Variants in OPCML observed in about 807,000 individuals in gnomAD.
The protein encoded by OPCML is opioid binding protein/cell adhesion molecule like, also known as opioid-binding protein/cell adhesion molecule.
In OPCML, 13 loss-of-function variants were observed where a neutral mutation model predicts 37.8. The ratio of observed to expected loss-of-function variants is 0.34; its 90% CI spans 0.22 to 0.55. The LOEUF is 0.55. OPCML is among the 20% of genes least tolerant of loss of function. OPCML has a pLI of 0.91. For synonymous variants in OPCML, 176 were observed against 168.8 expected, an observed-to-expected ratio of 1.04 and a Z score of -0.33; for missense variants, 341 against 435.6, an observed-to-expected ratio of 0.78 and a Z score of 1.93.
intron 4 of OPCML, among the ~76,000 whole-genome samples, chr11:132,441,315 C>G (rs1050816294): frequency 6.7e-6 from 1 of 150,152 alleles, no homozygotes; most frequent in African/African-American, 2.5e-5. Context: ...CTGCAGGCGC[C>G]CGCCACTACG....
At chr11:133,034,291 GT>G (rs1947728308) in intron 1 of OPCML, among the ~76,000 whole-genome samples, 2 of 140,092 alleles carry the variant, frequency 1.4e-5, no homozygotes, top group Admixed American at 1.5e-4. Context: ...AACCAGAAGA[GT>G]AGCTCTGTAT....
chr11:133,258,262 A>G (rs1941379823), intron 1 of OPCML, among the ~76,000 whole-genome samples: 1 of 152,208 alleles, frequency 6.6e-6, no homozygotes, highest in South Asian at 2.1e-4. Flanking sequence ...AGCAGTCAGT[A>G]TAGAGTGGCA....
intron 2 of OPCML, among the ~76,000 whole-genome samples, chr11:132,715,778 C>T (rs989356372): frequency 3.9e-5 from 6 of 152,098 alleles, no homozygotes; most frequent in Admixed American, 6.6e-5. Context: ...ACCATCTGTC[C>T]GTGGCAGTTC....
chr11:132,468,435 T>C (rs1186056458), intron 4 of OPCML, among the ~76,000 whole-genome samples: 17 of 152,238 alleles, frequency 1.1e-4, no homozygotes. Context: ...TTGTATGGAT[T>C]GTAGAGGTTT....
At chr11:133,072,773 G>A (rs1468315453) in intron 1 of OPCML, among the ~76,000 whole-genome samples, 2 of 152,212 alleles carry the variant, frequency 1.3e-5, no homozygotes, top group Non-Finnish European at 2.9e-5. Flanking sequence ...GTGCACCACT[G>A]CACATCTCTC....
chr11:132,463,874 T>C (rs573204396), intron 4 of OPCML, among the ~76,000 whole-genome samples: 1 of 152,314 alleles, frequency 6.6e-6, no homozygotes, highest in Non-Finnish European at 1.5e-5. Context: ...ATTTCTGAAA[T>C]TCAAAGAGAC....
At chr11:133,418,015 A>G (rs932487946) in intron 1 of OPCML, 3 of 956,706 alleles carry the variant, frequency 3.1e-6, no homozygotes, top group Non-Finnish European at 3.7e-6. Flanking sequence ...ATTTCCTCTG[A>G]TGGAGAAGAA....
At chr11:133,352,445 C>T (rs1406847138) in intron 1 of OPCML, among the ~76,000 whole-genome samples, 3 of 152,204 alleles carry the variant, frequency 2.0e-5, no homozygotes, top group Non-Finnish European at 2.9e-5. Context: ...TCTCTGAATG[C>T]CTGTGCTGAA....
intron 2 of OPCML, among the ~76,000 whole-genome samples, chr11:132,759,702 G>A (rs775801292): frequency 6.6e-6 from 1 of 151,588 alleles, no homozygotes; most frequent in Non-Finnish European, 1.5e-5. Flanking sequence ...TTCCTTATTA[G>A]TCTGGCTAGC....
intron 1 of OPCML, among the ~76,000 whole-genome samples, chr11:133,495,545 C>T (rs1056940557): frequency 1.3e-5 from 2 of 152,172 alleles, no homozygotes; most frequent in Admixed American, 6.5e-5. Context: ...TCCCTGATCA[C>T]CGCATCCACA....
chr11:132,849,578 C>T (rs1420953533), intron 2 of OPCML, among the ~76,000 whole-genome samples: 1 of 152,180 alleles, frequency 6.6e-6, no homozygotes, highest in Non-Finnish European at 1.5e-5. Context: ...GATGAAGATG[C>T]TGTTATTTTA....
chr11:133,460,910 A>G (rs1475579565), intron 1 of OPCML, among the ~76,000 whole-genome samples: 1 of 151,924 alleles, frequency 6.6e-6, no homozygotes, highest in East Asian at 1.9e-4. Context: ...TTAAATGCAA[A>G]GGTGGTTTTA....
chr11:133,073,649 A>G (rs1019376724), intron 1 of OPCML, among the ~76,000 whole-genome samples: 2 of 152,246 alleles, frequency 1.3e-5, no homozygotes, highest in East Asian at 3.8e-4. Context: ...CTGCCACATG[A>G]CAGGCTCTCA....
chr11:132,890,738 T>C (rs1290839006), intron 2 of OPCML, among the ~76,000 whole-genome samples: 1 of 146,750 alleles, frequency 6.8e-6, no homozygotes, highest in East Asian at 2.0e-4. Flanking sequence ...GCGCCTGTAG[T>C]CCCAGCTACT....
chr11:133,525,984 A>T (rs1004815532), intron 1 of OPCML, among the ~76,000 whole-genome samples: 2 of 152,192 alleles, frequency 1.3e-5, no homozygotes, highest in Non-Finnish European at 2.9e-5. Flanking sequence ...TACCCAGCAC[A>T]TTGCCCAGGG....
chr11:132,433,903 G>A (rs1415769745), intron 7 of OPCML, among the ~76,000 whole-genome samples: 4 of 152,190 alleles, frequency 2.6e-5, no homozygotes, highest in South Asian at 2.1e-4. Flanking sequence ...GATAATAAAT[G>A]TCTGTTGTTT....
chr11:132,553,339 G>A (rs996304871), intron 3 of OPCML, among the ~76,000 whole-genome samples: 3 of 152,194 alleles, frequency 2.0e-5, no homozygotes, highest in Admixed American at 1.3e-4. Flanking sequence ...GATTTAATAG[G>A]CATGGCTGTT....
intron 1 of OPCML, among the ~76,000 whole-genome samples, chr11:133,267,115 C>T (rs186620674): frequency 2.0e-5 from 3 of 152,140 alleles, no homozygotes; most frequent in East Asian, 1.9e-4. Flanking sequence ...ACTTTGTAGG[C>T]GGTGGAATGC....
At chr11:132,935,559 A>C (rs1945342237) in intron 2 of OPCML, among the ~76,000 whole-genome samples, 1 of 152,228 alleles carries the variant, frequency 6.6e-6, no homozygotes, top group South Asian at 2.1e-4. Flanking sequence ...ATTCAAAACC[A>C]ATTTCTAAAA....
Sources: gnomAD v4.1 joint callset for allele counts (sites outside exome capture counted in the v4.1 genomes callset) on GRCh38, gnomAD v4.1.1 for gene constraint, MANE v1.5 for transcripts, NCBI Gene and HGNC (gene_info 2026-07-23, HGNC 2026-07-21) for gene names.